The following GSK3B variants were observed in gnomAD, a reference collection of about 807,000 sequenced individuals.
GSK3B encodes the protein glycogen synthase kinase-3 beta.
Under a neutral mutation model 56.4 loss-of-function variants are expected in GSK3B, and 15 were observed. The ratio of observed to expected loss-of-function variants is 0.27; its 90% confidence interval spans 0.18 to 0.41. The LOEUF is 0.41. Among genes scored for constraint, GSK3B ranks in the 10% least tolerant of loss-of-function variants. The probability of loss-of-function intolerance (pLI) is 1.00; values close to 1 mark genes in which losing one functional copy is unlikely to be tolerated. For synonymous variants in GSK3B, 181 were observed against 188.9 expected, an observed-to-expected ratio of 0.96 and a Z score of 0.34; for missense variants, 300 against 513.4, an observed-to-expected ratio of 0.58 and a Z score of 4.02.
rs568139286 is a variant in GSK3B at position 119,830,224 on chromosome 3, C to A, written c.1196-3369G>T. ...GGCCAGGTAAAGTAGGAGGAGCTGA[C>A]CTCTTGGTGGCTGGGAAGAAACTAG... On this transcript the variant is annotated intron_variant, in intron 10 of 10. Transcript: ENST00000264235. 3.3e-5 allele frequency among the ~76,000 whole-genome samples: 5 copies of A among 152,302 alleles called. No homozygotes were observed. In the East Asian group the frequency reaches 9.6e-4, roughly 29 times the overall value.
chr3:120,022,219 C>T (rs2057885053), intron 1 of GSK3B, among the ~76,000 whole-genome samples: 1 of 152,172 alleles, frequency 6.6e-6, no homozygotes, highest in Non-Finnish European at 1.5e-5. Flanking sequence ...CACTGAGCAG[C>T]AAAAAGATGA....
At chr3:120,028,201 TG>T (rs2057944109) in intron 1 of GSK3B, among the ~76,000 whole-genome samples, 1 of 152,246 alleles carries the variant, frequency 6.6e-6, no homozygotes, top group Non-Finnish European at 1.5e-5. Context: ...CGTAAAAGGC[TG>T]TATGTTTATC....
At chr3:119,884,208 G>A (rs539422527) in intron 7 of GSK3B, among the ~76,000 whole-genome samples, 2 of 152,124 alleles carry the variant, frequency 1.3e-5, no homozygotes, top group African/African-American at 2.4e-5. Context: ...ACACTTAAAC[G>A]ACAGAGAAGT....
At chr3:119,898,718 T>A (rs2056596022) in intron 7 of GSK3B, among the ~76,000 whole-genome samples, 1 of 152,170 alleles carries the variant, frequency 6.6e-6, no homozygotes, top group African/African-American at 2.4e-5. Flanking sequence ...CTGTGGAGGA[T>A]ATGTTCCAAG....
intron 1 of GSK3B, among the ~76,000 whole-genome samples, chr3:120,085,842 T>C (rs1404600386): frequency 2.6e-5 from 4 of 151,828 alleles, no homozygotes; most frequent in Non-Finnish European, 5.9e-5. Context: ...TTTTATAAAA[T>C]AACAGGAAGC....
intron 2 of GSK3B, among the ~76,000 whole-genome samples, chr3:119,974,910 G>A (rs528531094): frequency 2.6e-5 from 4 of 152,294 alleles, no homozygotes; most frequent in Admixed American, 1.3e-4. Context: ...AGCCACTTTA[G>A]AAGACAGGTT....
At chr3:119,921,560 C>T (rs1052738392) in intron 4 of GSK3B, among the ~76,000 whole-genome samples, 2 of 152,134 alleles carry the variant, frequency 1.3e-5, no homozygotes, top group African/African-American at 2.4e-5. Flanking sequence ...ACTAATTACA[C>T]TACAGAAATT....
chr3:119,964,210 G>A lies in GSK3B; in HGVS notation c.283-16859C>T, dbSNP rs2057299405. 2.6e-5 allele frequency among the ~76,000 whole-genome samples: 4 copies of A among 152,176 alleles called. No homozygotes were observed. In the South Asian group the frequency reaches 8.3e-4, roughly 32 times the overall value. On this transcript the variant is annotated intron_variant, in intron 2 of 10. Coordinates refer to ENST00000264235, the MANE Select transcript of GSK3B (RefSeq NM_001146156.2). ...GCAAAGGACTGGAATAGACAAAGAA[G>A]ACATACATACGACCAACAGGCATAT... is the stretch of plus-strand genomic sequence containing the variant.
intron 9 of GSK3B, among the ~76,000 whole-genome samples, chr3:119,859,499 A>G (rs1034010147): frequency 1.3e-5 from 2 of 152,202 alleles, no homozygotes; most frequent in African/African-American, 2.4e-5. Context: ...TTTCAAATGA[A>G]AGAAATACAA....
At chr3:120,018,636 A>G (rs542431917) in intron 1 of GSK3B, among the ~76,000 whole-genome samples, 1 of 152,356 alleles carries the variant, frequency 6.6e-6, no homozygotes, top group African/African-American at 2.4e-5. Flanking sequence ...AGTGAATTGA[A>G]TAATTTACAT....
intron 1 of GSK3B, among the ~76,000 whole-genome samples, chr3:120,086,286 G>A (rs2058462774): frequency 6.6e-6 from 1 of 151,914 alleles, no homozygotes; most frequent in African/African-American, 2.4e-5. Flanking sequence ...GACAATGGAA[G>A]AAAGAGTTGG....
At chr3:119,932,620 C>T (rs1290373606) in intron 3 of GSK3B, among the ~76,000 whole-genome samples, 2 of 149,388 alleles carry the variant, frequency 1.3e-5, no homozygotes, top group Admixed American at 6.7e-5. Flanking sequence ...AATTTGATTA[C>T]ACAGAACTGT....
intron 10 of GSK3B, among the ~76,000 whole-genome samples, chr3:119,830,238 G>T (rs751241967): frequency 4.6e-5 from 7 of 152,082 alleles, no homozygotes; most frequent in South Asian, 2.1e-4. Flanking sequence ...TTGGTGGCTG[G>T]GAAGAAACTA....
At chr3:119,837,729 T>A (rs750545763) in intron 10 of GSK3B, among the ~76,000 whole-genome samples, 6 of 151,920 alleles carry the variant, frequency 3.9e-5, no homozygotes, top group Non-Finnish European at 1.5e-5. Flanking sequence ...TCTGAGCAGA[T>A]GCTCTCTAAA....
intron 8 of GSK3B, among the ~76,000 whole-genome samples, chr3:119,871,520 GTATAATTTGGTAGGTAC>G (rs1304542778): frequency 6.6e-6 from 1 of 152,070 alleles, no homozygotes; most frequent in Non-Finnish European, 1.5e-5. Flanking sequence ...AATATATATG[GTATAATTTGGTAGGTAC>G]TATAGGAGTT....
intron 2 of GSK3B, among the ~76,000 whole-genome samples, chr3:119,995,412 A>G (rs1197055549): frequency 6.6e-6 from 1 of 152,106 alleles, no homozygotes; most frequent in African/African-American, 2.4e-5. Flanking sequence ...GGAAATCTGG[A>G]TAAAAGGTTT....
chr3:119,899,431 T>C lies in GSK3B; in HGVS notation c.813+6324A>G, dbSNP rs574465321. ...TCTTAGGGTTAATATAATAATTAAG[T>C]GTGGTAATGAATGTAAAGTGCTTAA... On this transcript the variant is annotated intron_variant, in intron 7 of 10. Coordinates refer to ENST00000264235, the MANE Select transcript of GSK3B (RefSeq NM_001146156.2). Among the ~76,000 whole-genome samples the C allele has an allele frequency of 2.6e-5, 4 of 152,196 alleles. No homozygotes were observed. In the South Asian group the frequency reaches 8.3e-4, roughly 32 times the overall value.
At chr3:119,990,136 C>T (rs755294114) in intron 2 of GSK3B, among the ~76,000 whole-genome samples, 17 of 152,168 alleles carry the variant, frequency 1.1e-4, no homozygotes, top group Admixed American at 3.9e-4. Flanking sequence ...TTCCAAACTC[C>T]TCCCTGACCA....
At chr3:119,887,445 T>C (rs569063626) in intron 7 of GSK3B, among the ~76,000 whole-genome samples, 1 of 150,378 alleles carries the variant, frequency 6.6e-6, no homozygotes, top group African/African-American at 2.4e-5. Flanking sequence ...AGGAGAGAAA[T>C]AGAAGATATA....
Sources: allele counts gnomAD v4.1 joint callset (sites outside exome capture counted in the v4.1 genomes callset), GRCh38; gene constraint gnomAD v4.1.1; transcripts MANE v1.5; gene names NCBI Gene and HGNC (gene_info 2026-07-23, HGNC 2026-07-21).